NOVA1: variants seen among roughly 807,000 people sequenced by gnomAD.
NOVA1 encodes NOVA alternative splicing regulator 1, also known as RNA-binding protein Nova-1.
NOVA1 carries 7 observed loss-of-function variants against 38.0 expected under a neutral mutation model. The observed-to-expected ratio is 0.18, with a 90% CI of 0.10 to 0.35. The LOEUF (loss-of-function observed/expected upper bound fraction) is 0.35. Among genes scored for constraint, NOVA1 ranks in the 10% least tolerant of loss-of-function variants. The probability of loss-of-function intolerance (pLI) is 1.00; values close to 1 mark genes in which losing one functional copy is unlikely to be tolerated. For synonymous variants in NOVA1, 270 were observed against 232.5 expected (o/e 1.16, Z -1.47); for missense variants, 460 against 616.0 (o/e 0.75, Z 2.68).
chr14:26,502,887 GA>G (rs1887345106), intron 2 of NOVA1, among the ~76,000 whole-genome samples: 1 of 151,972 alleles, frequency 6.6e-6, no homozygotes, highest in Non-Finnish European at 1.5e-5. Flanking sequence ...TTTAGGATAA[GA>G]TAAATCTTTT....
In NOVA1 at chr14:26,487,906, CA is replaced by C. The variant is rs1886042930; in HGVS notation, c.281-7764del. Among the ~76,000 whole-genome samples, 6 of 152,176 alleles carry C rather than the reference CA, an allele frequency of 3.9e-5. No individual in the cohort carries two copies. In the South Asian group the frequency reaches 1.2e-3, roughly 32 times the overall value. ...TTTTTAGGACAAGTTTTCAGATCAA[CA>C]AAAGTACTTGATAAAATTGCCATTA... On this transcript the variant is annotated intron_variant, in intron 2 of 4. Transcript: ENST00000539517.
At chr14:26,476,851 G>T (rs1040897685) in intron 3 of NOVA1, among the ~76,000 whole-genome samples, 3 of 149,988 alleles carry the variant, frequency 2.0e-5, no homozygotes, top group Non-Finnish European at 4.4e-5. Flanking sequence ...CAGCAGCTGT[G>T]ACTACAGGCA....
At chr14:26,472,500 T>C (rs1180703081) in intron 3 of NOVA1, 109 bp from the exon 4 acceptor site, 4 of 477,048 alleles carry the variant, frequency 8.4e-6, no homozygotes, top group Non-Finnish European at 1.4e-5. Flanking sequence ...CAAAATCCTA[T>C]GAACAAATTT....
chr14:26,592,453 A>C lies in NOVA1; in HGVS notation c.280+2957T>G, dbSNP rs546232102. Among the ~76,000 whole-genome samples the C allele has an allele frequency of 2.1e-4, 32 of 151,554 alleles. No homozygotes were observed. In the South Asian group the frequency reaches 6.4e-3, roughly 30 times the overall value. ...ACCAGAATTAAGTCAGTACTCTGTA[A>C]GATTTGATTTTGTAAAACAGATAAA... On this transcript the variant is annotated intron_variant, in intron 2 of 4. Transcript: ENST00000539517.
At chr14:26,581,077 A>C (rs1279547419) in intron 2 of NOVA1, among the ~76,000 whole-genome samples, 1 of 152,070 alleles carries the variant, frequency 6.6e-6, no homozygotes, top group Non-Finnish European at 1.5e-5. Flanking sequence ...TACATTACGC[A>C]GATAAAAAAC....
rs571680057 is a variant in NOVA1, at chr14:26,514,664, G to T, written c.281-34521C>A. ...ACTGGATCAAATTCAAACTGCCAGA[G>T]AAATATATAAACTGGTATTATACCA... On this transcript the variant is annotated intron_variant, in intron 2 of 4. Transcript: ENST00000539517. 1.1e-4 allele frequency among the ~76,000 whole-genome samples: 17 copies of T among 151,858 alleles called. No homozygotes were observed. The East Asian group carries it at 3.3e-3, about 29-fold the overall frequency.
At chr14:26,515,601 T>C (rs1888405548) in intron 2 of NOVA1, among the ~76,000 whole-genome samples, 1 of 151,978 alleles carries the variant, frequency 6.6e-6, no homozygotes, top group South Asian at 2.1e-4. Flanking sequence ...CTATAGTCTA[T>C]CATGGTTACT....
At chr14:26,576,499 T>C (rs151119644) in intron 2 of NOVA1, among the ~76,000 whole-genome samples, 2 of 151,974 alleles carry the variant, frequency 1.3e-5, no homozygotes, top group African/African-American at 4.8e-5. Context: ...TTTTTAAGTA[T>C]ATAATTTCCT....
chr14:26,543,212 A>G (rs1214438574), intron 2 of NOVA1, among the ~76,000 whole-genome samples: 2 of 152,072 alleles, frequency 1.3e-5, no homozygotes, highest in Admixed American at 6.6e-5. Flanking sequence ...AGCAAAAAAT[A>G]TGATAAAAGG....
At chr14:26,562,306 T>C (rs1891878144) in intron 2 of NOVA1, among the ~76,000 whole-genome samples, 1 of 152,176 alleles carries the variant, frequency 6.6e-6, no homozygotes, top group African/African-American at 2.4e-5. Flanking sequence ...CTCATTTGTA[T>C]AATAAGGATA....
chr14:26,553,377 T>G (rs1891281314), intron 2 of NOVA1, among the ~76,000 whole-genome samples: 1 of 152,142 alleles, frequency 6.6e-6, no homozygotes, highest in African/African-American at 2.4e-5. Flanking sequence ...ATCATCAGAG[T>G]TTGCTTCACT....
chr14:26,595,150 G>C (rs1373127162), intron 2 of NOVA1, among the ~76,000 whole-genome samples: 1 of 151,910 alleles, frequency 6.6e-6, no homozygotes, highest in Non-Finnish European at 1.5e-5. Context: ...GAGTTTTTTT[G>C]CTAATAAGAA....
At chr14:26,585,860 T>C (rs921627544) in intron 2 of NOVA1, among the ~76,000 whole-genome samples, 1 of 151,350 alleles carries the variant, frequency 6.6e-6, no homozygotes. Flanking sequence ...CTTCTATGCA[T>C]TTCTTGTTCA....
At chr14:26,488,126 A>C (rs1168067340) in intron 2 of NOVA1, among the ~76,000 whole-genome samples, 2 of 152,170 alleles carry the variant, frequency 1.3e-5, no homozygotes, top group Non-Finnish European at 2.9e-5. Context: ...CTAGGTGATT[A>C]ACTCTACACA....
chr14:26,556,637 C>A (rs1028926778), intron 2 of NOVA1, among the ~76,000 whole-genome samples: 1 of 151,958 alleles, frequency 6.6e-6, no homozygotes, highest in Non-Finnish European at 1.5e-5. Flanking sequence ...CATGTAAGAA[C>A]AAAATTGATC....
chr14:26,564,486 G>A (rs1892014471), intron 2 of NOVA1, among the ~76,000 whole-genome samples: 1 of 152,122 alleles, frequency 6.6e-6, no homozygotes, highest in Admixed American at 6.6e-5. Context: ...TAGCTTGCTG[G>A]AGTTCATGTG....
intron 2 of NOVA1, among the ~76,000 whole-genome samples, chr14:26,573,305 G>C (rs920869831): frequency 6.6e-6 from 1 of 152,094 alleles, no homozygotes; most frequent in Non-Finnish European, 1.5e-5. Context: ...AACTCTGAAA[G>C]AGTTGGATAA....
intron 2 of NOVA1, among the ~76,000 whole-genome samples, chr14:26,486,708 A>AAAAAAAAAAAAAAAAAAAAAAC (rs1453597097): frequency 6.7e-6 from 1 of 148,738 alleles, no homozygotes; most frequent in Non-Finnish European, 1.5e-5. Context: ...AAAAAAAAAA[A>AAAAAAAAAAAAAAAAAAAAAAC]AAAAAAAAAA....
intron 2 of NOVA1, among the ~76,000 whole-genome samples, chr14:26,578,679 T>G (rs770658749): frequency 6.6e-6 from 1 of 152,178 alleles, no homozygotes; most frequent in African/African-American, 2.4e-5. Context: ...GCTTTCAGAA[T>G]TGGGACTTAA....
Sources: gnomAD v4.1 joint callset for allele counts (sites outside exome capture counted in the v4.1 genomes callset) on GRCh38, gnomAD v4.1.1 for gene constraint, MANE v1.5 for transcripts, NCBI Gene and HGNC (gene_info 2026-07-23, HGNC 2026-07-21) for gene names.